ATL2: variants seen among roughly 807,000 people sequenced by gnomAD.
ATL2 encodes atlastin GTPase 2, also known as atlastin-2.
A neutral mutation model predicts 73.9 loss-of-function variants in ATL2; 31 were observed. The observed-to-expected ratio is 0.42, with a 90% CI of 0.32 to 0.57. ATL2 has a LOEUF of 0.57. Ranked by LOEUF, ATL2 falls within the 20% of genes least tolerant of loss-of-function variation. The probability of loss-of-function intolerance (pLI) is 0.14; values close to 1 mark genes in which losing one functional copy is unlikely to be tolerated. For synonymous variants in ATL2, 291 were observed against 237.5 expected (o/e 1.23, Z -2.07); for missense variants, 738 against 702.6 (o/e 1.05, Z -0.57).
chr2:38,295,018 T>G lies in ATL2; in HGVS notation c.*976A>C, dbSNP rs1369818448. On this transcript the variant is annotated 3_prime_UTR_variant, in exon 13 of 13. Coordinates refer to ENST00000378954, the MANE Select transcript of ATL2 (RefSeq NM_001135673.4). Reference sequence around the variant, plus strand: ...CTTGGTGGGCGGGGGGGGGGTGAGATTGCAGTGCTCAAGATAAATATCACA... The same window carrying G: ...CTTGGTGGGCGGGGGGGGGGTGAGAGTGCAGTGCTCAAGATAAATATCACA... 1 of 144,000 alleles carries G rather than the reference T, an allele frequency of 6.9e-6. No individual in the cohort carries two copies. Among genetic ancestry groups the G allele is most frequent in the Admixed American group, 7.0e-5 (1 of 14,388 alleles). 8.9% of individuals were successfully genotyped at this position (144,000 alleles called of 1,614,324 possible).
chr2:38,341,681 T>C (rs1367956603), intron 2 of ATL2, among the ~76,000 whole-genome samples: 1 of 152,182 alleles, frequency 6.6e-6, no homozygotes, highest in African/African-American at 2.4e-5. Context: ...TTTAAAATGA[T>C]GTACCTTTCT....
intron 12 of ATL2, chr2:38,296,752 C>G: frequency 1.3e-6 from 2 of 1,551,076 alleles, no homozygotes; most frequent in Non-Finnish European, 1.7e-6. Flanking sequence ...GGTTTGTTGA[C>G]ACAGCACAGA....
At chr2:38,326,224 A>G (rs1668657143) in intron 2 of ATL2, among the ~76,000 whole-genome samples, 1 of 152,256 alleles carries the variant, frequency 6.6e-6, no homozygotes, top group Non-Finnish European at 1.5e-5. Flanking sequence ...TGAGTTCAAT[A>G]AAAGTTCTTG....
intron 5 of ATL2, among the ~76,000 whole-genome samples, chr2:38,315,039 G>A (rs1312422146): frequency 6.6e-6 from 1 of 152,172 alleles, no homozygotes; most frequent in Non-Finnish European, 1.5e-5. Context: ...ATCACCCAAG[G>A]TTAGAAGTTC....
At chr2:38,311,350 T>A (rs1314314722) in intron 7 of ATL2, among the ~76,000 whole-genome samples, 1 of 122,540 alleles carries the variant, frequency 8.2e-6, no homozygotes, top group Non-Finnish European at 1.8e-5. Flanking sequence ...ACATTTTAGA[T>A]AATTACTCAT....
intron 2 of ATL2, among the ~76,000 whole-genome samples, chr2:38,342,113 T>A (rs1040051901): frequency 1.3e-5 from 2 of 151,878 alleles, no homozygotes; most frequent in Admixed American, 6.6e-5. Flanking sequence ...AGTGAAAAAA[T>A]TTTTTTTGCT....
intron 1 of ATL2, among the ~76,000 whole-genome samples, chr2:38,350,455 G>A (rs985439720): frequency 6.6e-6 from 1 of 152,174 alleles, no homozygotes; most frequent in African/African-American, 2.4e-5. Context: ...GGGATAGGGA[G>A]GGATGAACAG....
At chr2:38,342,449 A>C (rs1669779091) in intron 2 of ATL2, among the ~76,000 whole-genome samples, 1 of 152,226 alleles carries the variant, frequency 6.6e-6, no homozygotes, top group African/African-American at 2.4e-5. Context: ...AGAATACCAT[A>C]ATATTTGAGG....
At chr2:38,343,838 G>T (rs562681053) in intron 1 of ATL2, among the ~76,000 whole-genome samples, 3 of 152,298 alleles carry the variant, frequency 2.0e-5, no homozygotes, top group Admixed American at 2.0e-4. Context: ...TCTCATGATA[G>T]TGAATAAGTC....
chr2:38,299,034 T>C (rs1667050604), intron 11 of ATL2, among the ~76,000 whole-genome samples: 1 of 152,222 alleles, frequency 6.6e-6, no homozygotes, highest in East Asian at 1.9e-4. Context: ...GATATTTCAG[T>C]AGAGTTTATA....
intron 1 of ATL2, among the ~76,000 whole-genome samples, chr2:38,363,640 G>T (rs528059302): frequency 6.6e-6 from 1 of 152,246 alleles, no homozygotes; most frequent in Non-Finnish European, 1.5e-5. Flanking sequence ...GTAACTCACT[G>T]TTTCCTATTC....
At chr2:38,301,142 G>A (rs907563498) in intron 9 of ATL2, among the ~76,000 whole-genome samples, 2 of 151,944 alleles carry the variant, frequency 1.3e-5, no homozygotes, top group Non-Finnish European at 2.9e-5. Context: ...AGCTAATTTC[G>A]TATTTTTAGG....
Position 38,367,143 on chromosome 2 carries a change from A to T in ATL2, c.118+10000T>A, listed in dbSNP as rs923240715. On this transcript the variant is annotated intron_variant, in intron 1 of 12. Coordinates refer to ENST00000378954, the MANE Select transcript of ATL2 (RefSeq NM_001135673.4). The stretch of plus-strand genomic sequence containing the variant: ...CCAAGACATTATCTTTTAATCTTAG[A>T]ACTTTTCAGGTAGGTTTTTTTTTAG... Among the ~76,000 whole-genome samples the T allele has an allele frequency of 2.0e-5, 3 of 152,070 alleles. No homozygotes were observed. The East Asian group carries it at 5.8e-4, about 29-fold the overall frequency.
chr2:38,373,484 C>T lies in ATL2; in HGVS notation c.118+3659G>A, dbSNP rs116200045. Among the ~76,000 whole-genome samples the T allele has an allele frequency of 4.9e-3, 746 of 152,266 alleles. 8 individuals carry two copies. The highest frequency in any genetic ancestry group is 0.016 in the African/African-American group (675 of 41,542). On this transcript the variant is annotated intron_variant, in intron 1 of 12. Coordinates refer to ENST00000378954, the MANE Select transcript of ATL2 (RefSeq NM_001135673.4). ...ACTTGTACTGGTCCGAAGACCAAAT[C>T]CAAGGTCAATCAAAAGTACATATTA... is the stretch of plus-strand genomic sequence containing the variant.
chr2:38,373,542 T>A (rs966775116), intron 1 of ATL2, among the ~76,000 whole-genome samples: 1 of 152,220 alleles, frequency 6.6e-6, no homozygotes, highest in African/African-American at 2.4e-5. Flanking sequence ...GTTAGTCTTT[T>A]ATGACTTAAA....
At chr2:38,363,682 A>G (rs776606035) in intron 1 of ATL2, among the ~76,000 whole-genome samples, 4 of 152,208 alleles carry the variant, frequency 2.6e-5, no homozygotes, top group Non-Finnish European at 4.4e-5. Flanking sequence ...GACACCTACT[A>G]TCCAATCTGT....
At chr2:38,327,217 G>A (rs1005140473) in intron 2 of ATL2, among the ~76,000 whole-genome samples, 2 of 152,010 alleles carry the variant, frequency 1.3e-5, no homozygotes, top group Non-Finnish European at 2.9e-5. Context: ...TACATAAAGA[G>A]AAAGAGTATC....
intron 2 of ATL2, among the ~76,000 whole-genome samples, chr2:38,329,636 C>T (rs1370994317): frequency 1.3e-5 from 2 of 151,748 alleles, no homozygotes; most frequent in South Asian, 2.1e-4. Flanking sequence ...GACAAAGATA[C>T]TACAAATAAA....
At chr2:38,313,890 T>TATAG (rs1667886606) in intron 6 of ATL2, among the ~76,000 whole-genome samples, 1 of 152,112 alleles carries the variant, frequency 6.6e-6, no homozygotes, top group Non-Finnish European at 1.5e-5. Flanking sequence ...GGCAAAATGA[T>TATAG]CCCAGTTCAG....
Sources: allele counts gnomAD v4.1 joint callset (sites outside exome capture counted in the v4.1 genomes callset), GRCh38; gene constraint gnomAD v4.1.1; transcripts MANE v1.5; gene names NCBI Gene and HGNC (gene_info 2026-07-23, HGNC 2026-07-21).